Variants in SLC25A26 observed in about 807,000 individuals in gnomAD.
The protein encoded by SLC25A26 is solute carrier family 25 member 26.
Under a neutral mutation model 37.8 loss-of-function variants are expected in SLC25A26, and 36 were observed. That is an observed-to-expected ratio of 0.95 (90% CI 0.73 to 1.26). SLC25A26 has a LOEUF of 1.26. SLC25A26 is among the 50% of genes most tolerant of loss of function. SLC25A26 has a pLI of 0.00. For synonymous variants in SLC25A26, 129 were observed against 122.5 expected, an observed-to-expected ratio of 1.05 and a Z score of -0.35; for missense variants, 390 against 331.1, an observed-to-expected ratio of 1.18 and a Z score of -1.38.
intron 1 of SLC25A26, among the ~76,000 whole-genome samples, chr3:66,209,300 T>A: frequency 7.1e-6 from 1 of 139,984 alleles, no homozygotes; most frequent in African/African-American, 2.6e-5. Context: ...TATAGCTATA[T>A]GTATGTATAT....
intron 5 of SLC25A26, among the ~76,000 whole-genome samples, chr3:66,301,040 G>T (rs2107557543): frequency 6.6e-6 from 1 of 152,206 alleles, no homozygotes; most frequent in South Asian, 2.1e-4. Context: ...ACCAGTGTTT[G>T]ACCTGCCAGA....
intron 5 of SLC25A26, among the ~76,000 whole-genome samples, chr3:66,303,536 C>T (rs1470034924): frequency 6.6e-6 from 1 of 152,200 alleles, no homozygotes; most frequent in African/African-American, 2.4e-5. Flanking sequence ...GAAACTTTAA[C>T]TGCCAGTCAA....
chr3:66,168,183 G>A (rs369312194), intron 1 of SLC25A26, among the ~76,000 whole-genome samples: 187 of 20,238 alleles, frequency 9.2e-3, no homozygotes, highest in African/African-American at 0.033. Flanking sequence ...ATATGTGTGT[G>A]TGTATATATA....
At chr3:66,230,829 A>AAC (rs2071989351) in intron 1 of SLC25A26, among the ~76,000 whole-genome samples, 1 of 146,992 alleles carries the variant, frequency 6.8e-6, no homozygotes, top group Non-Finnish European at 1.5e-5. Context: ...ACAAAAAAAA[A>AAC]CCAGAATTTT....
At chr3:66,313,162 T>C (rs1463452585) in intron 5 of SLC25A26, among the ~76,000 whole-genome samples, 3 of 152,220 alleles carry the variant, frequency 2.0e-5, no homozygotes, top group African/African-American at 7.2e-5. Context: ...TTGCTTTTGT[T>C]ACTATTGCTT....
chr3:66,332,579 C>A (rs1449875389), intron 5 of SLC25A26, among the ~76,000 whole-genome samples: 1 of 151,844 alleles, frequency 6.6e-6, no homozygotes, highest in Admixed American at 6.6e-5. Context: ...CTTGGATTTT[C>A]TTTTTTTATT....
At chr3:66,294,331 T>C (rs1418581254) in intron 5 of SLC25A26, among the ~76,000 whole-genome samples, 1 of 152,118 alleles carries the variant, frequency 6.6e-6, no homozygotes, top group Non-Finnish European at 1.5e-5. Flanking sequence ...GGCTTGCCGG[T>C]GTATAGGAAT....
chr3:66,148,316 C>G (rs62245240), intron 1 of SLC25A26, among the ~76,000 whole-genome samples: 3 of 151,932 alleles, frequency 2.0e-5, no homozygotes, highest in Non-Finnish European at 2.9e-5. Context: ...TAAGGAACCA[C>G]CAGGGCATGA....
At chr3:66,315,316 G>C (rs531922306) in intron 5 of SLC25A26, among the ~76,000 whole-genome samples, 35 of 152,062 alleles carry the variant, frequency 2.3e-4, no homozygotes, top group Admixed American at 2.1e-3. Context: ...ATTCTGATAC[G>C]TTGTTTCTTT....
rs1357914721 is a variant in SLC25A26 at position 66,349,775 on chromosome 3, T to C, written c.498+3367T>C. 3.9e-5 allele frequency among the ~76,000 whole-genome samples: 6 copies of C among 152,256 alleles called. No individual in the cohort carries two copies. In the South Asian group the frequency reaches 1.0e-3, roughly 26 times the overall value. ...ATGTTTAATTTTATAAGAAACAAAC[T>C]GTCAAGGTGTTTTCCAAAGTGGCTG... On this transcript the variant is annotated intron_variant, in intron 6 of 9. Coordinates refer to ENST00000354883, the MANE Select transcript of SLC25A26 (RefSeq NM_001379210.1).
chr3:66,271,698 G>T (rs1486812885), intron 5 of SLC25A26, among the ~76,000 whole-genome samples: 1 of 152,032 alleles, frequency 6.6e-6, no homozygotes, highest in East Asian at 1.9e-4. Context: ...GCCGTATTCT[G>T]TCCCTTCAAA....
At chr3:66,370,689 C>G in intron 9 of SLC25A26, 87 bp downstream of exon 9, 1 of 1,010,312 alleles carries the variant, frequency 9.9e-7, no homozygotes, top group Non-Finnish European at 1.5e-6. Flanking sequence ...CTCTCCTTCC[C>G]TTCTGCTTAT....
chr3:66,253,470 G>A (rs1395193127), intron 3 of SLC25A26, among the ~76,000 whole-genome samples: 1 of 151,906 alleles, frequency 6.6e-6, no homozygotes, highest in Non-Finnish European at 1.5e-5. Flanking sequence ...AGTCTAATCA[G>A]TAGGGTCCTT....
intron 7 of SLC25A26, among the ~76,000 whole-genome samples, chr3:66,366,811 G>A (rs770837567): frequency 6.6e-6 from 1 of 152,118 alleles, no homozygotes. Context: ...GTAGTGGAAC[G>A]AGCATTACTT....
At chr3:66,341,825 G>GT in intron 5 of SLC25A26, among the ~76,000 whole-genome samples, 1 of 152,104 alleles carries the variant, frequency 6.6e-6, no homozygotes, top group Admixed American at 6.5e-5. Context: ...AACTGTAGTT[G>GT]TTAAATTAAA....
intron 2 of SLC25A26, among the ~76,000 whole-genome samples, chr3:66,239,885 G>A (rs575585939): frequency 7.0e-6 from 1 of 142,606 alleles, no homozygotes; most frequent in East Asian, 2.1e-4. Context: ...ATGGCTGGCA[G>A]CCACAGCTTC....
At chr3:66,300,281 T>C (rs372790997) in intron 5 of SLC25A26, among the ~76,000 whole-genome samples, 1 of 146,272 alleles carries the variant, frequency 6.8e-6, no homozygotes, top group Non-Finnish European at 1.5e-5. Context: ...TTTGGTGTTA[T>C]ACTGGAATTT....
chr3:66,159,953 C>T (rs145111270), intron 1 of SLC25A26, among the ~76,000 whole-genome samples: 62,310 of 151,858 alleles, frequency 0.41, 13,000 homozygotes, highest in African/African-American at 0.46. Context: ...GGCCCTGATT[C>T]GCTCAACTCT....
intron 9 of SLC25A26, among the ~76,000 whole-genome samples, chr3:66,373,912 T>TTGGGAGAAAGGATGCAGTCAGGTGC (rs1700490505): frequency 6.6e-6 from 1 of 152,074 alleles, no homozygotes; most frequent in Non-Finnish European, 1.5e-5. Flanking sequence ...CTCAAAGGTG[T>TTGGGAGAAAGGATGCAGTCAGGTGC]TGGGAGAAAG....
Sources: allele counts gnomAD v4.1 joint callset (sites outside exome capture counted in the v4.1 genomes callset), GRCh38; gene constraint gnomAD v4.1.1; transcripts MANE v1.5; gene names NCBI Gene and HGNC (gene_info 2026-07-23, HGNC 2026-07-21).